Variants in NOS1 observed in about 807,000 individuals in gnomAD.
NOS1 encodes the protein nitric oxide synthase 1.
Under a neutral mutation model 164.5 loss-of-function variants are expected in NOS1, and 51 were observed. The ratio of observed to expected loss-of-function variants is 0.31; its 90% CI spans 0.25 to 0.39. The LOEUF (loss-of-function observed/expected upper bound fraction) is 0.39. Ranked by LOEUF, NOS1 falls within the 10% of genes least tolerant of loss-of-function variation. NOS1 has a pLI of 1.00. For missense variants in NOS1, 1,362 were observed against 1,885.6 expected, an observed-to-expected ratio of 0.72 and a Z score of 5.14; for synonymous variants, 719 against 745.8, an observed-to-expected ratio of 0.96 and a Z score of 0.59.
At chr12:117,328,001 G>T (rs958970972) in intron 2 of NOS1, among the ~76,000 whole-genome samples, 1 of 152,014 alleles carries the variant, frequency 6.6e-6, no homozygotes, top group African/African-American at 2.4e-5. Flanking sequence ...AGACTGAGGG[G>T]CCATCAAAGG....
chr12:117,296,628 C>T (rs898436580), intron 3 of NOS1, among the ~76,000 whole-genome samples: 6 of 138,148 alleles, frequency 4.3e-5, no homozygotes, highest in African/African-American at 1.4e-4. Context: ...ACCTTGTGTT[C>T]GTGTGAGTTA....
At chr12:117,248,674 TA>T (rs1870847905) in intron 17 of NOS1, among the ~76,000 whole-genome samples, 1 of 152,222 alleles carries the variant, frequency 6.6e-6, no homozygotes, top group East Asian at 1.9e-4. Context: ...CATATGTCTT[TA>T]AAGCAGCATG....
chr12:117,233,652 CA>C (rs1351661165), intron 21 of NOS1, among the ~76,000 whole-genome samples: 1 of 151,432 alleles, frequency 6.6e-6, no homozygotes, highest in African/African-American at 2.4e-5. Flanking sequence ...ACTAAAAATA[CA>C]AAAAATTAGC....
chr12:117,241,375 T>G (rs1019908939), intron 20 of NOS1, among the ~76,000 whole-genome samples: 3 of 150,840 alleles, frequency 2.0e-5, no homozygotes, highest in African/African-American at 7.3e-5. Flanking sequence ...ATATGCTTGG[T>G]TCACCGGGTT....
intron 17 of NOS1, among the ~76,000 whole-genome samples, chr12:117,248,659 G>A (rs1277012279): frequency 7.2e-5 from 11 of 152,070 alleles, no homozygotes; most frequent in Admixed American, 1.3e-4. Flanking sequence ...ATAAACATAC[G>A]TGTGCATATG....
At position 117,214,977 on chromosome 12, in the gene NOS1, C is replaced by A; in HGVS notation, c.*332G>T. 9.1e-7 allele frequency: 1 copy of A among 1,098,348 alleles called. No individual in the cohort carries two copies. Among genetic ancestry groups the A allele is most frequent in the Non-Finnish European group, 1.1e-6 (1 of 903,728 alleles). 68.0% of individuals were successfully genotyped at this position (1,098,348 alleles called of 1,614,324 possible). On this transcript the variant is annotated 3_prime_UTR_variant, in exon 29 of 29. Coordinates refer to ENST00000317775, the MANE Select transcript of NOS1 (RefSeq NM_000620.5). ...AGTTCCTGCAGCCTTTCCAGGGGAA[C>A]CCCAGAGAAAAAAACCCCCACAGCG...
chr12:117,216,581 C>T (rs1200461595), intron 28 of NOS1, among the ~76,000 whole-genome samples: 1 of 151,962 alleles, frequency 6.6e-6, no homozygotes, highest in Admixed American at 6.6e-5. Context: ...TGGGATCAGG[C>T]CATCCTCTTG....
rs367869227 is a variant in NOS1, at chr12:117,303,727, A to C, written c.852+7739T>G. Among the ~76,000 whole-genome samples the C allele has an allele frequency of 3.7e-4, 57 of 152,332 alleles. No individual in the cohort carries two copies. The East Asian group carries it at 4.6e-3, about 12-fold the overall frequency. ...CTTCTCTCTTAGGAAGGCAAACCAG[A>C]CAGGCAAGGGAAACGATGCTTAATA... On this transcript the variant is annotated intron_variant, in intron 3 of 28. Coordinates refer to ENST00000317775, the MANE Select transcript of NOS1 (RefSeq NM_000620.5).
chr12:117,275,661 T>C (rs1873123834), intron 9 of NOS1, among the ~76,000 whole-genome samples: 1 of 152,186 alleles, frequency 6.6e-6, no homozygotes, highest in Admixed American at 6.5e-5. Flanking sequence ...ATGTTTCCAA[T>C]ACAAAGGATA....
Position 117,243,085 on chromosome 12 carries a change from C to T in NOS1, c.2962+212G>A, listed in dbSNP as rs950034989. Among the ~76,000 whole-genome samples, 4 of 152,062 alleles carry T rather than the reference C, an allele frequency of 2.6e-5. No individual in the cohort carries two copies. The highest frequency in any genetic ancestry group is 9.7e-5 in the African/African-American group (4 of 41,400). On this transcript the variant is annotated intron_variant, in intron 19 of 28. Coordinates refer to ENST00000317775, the MANE Select transcript of NOS1 (RefSeq NM_000620.5). This position sits in a 1 kb window ranked among gnomAD's most constrained non-coding sequence, Gnocchi z 4.3. ...TTGAGAAGAGGATGGTTTGGAAGAA[C>T]ACAGTACATTACTAGAGAGAGAGAG...
chr12:117,217,561 C>T (rs1021752218), intron 28 of NOS1, among the ~76,000 whole-genome samples: 24 of 152,006 alleles, frequency 1.6e-4, no homozygotes, highest in Admixed American at 6.6e-5. Context: ...AAAACTTAGC[C>T]GGGTGTGGTG....
Position 117,234,632 on chromosome 12 carries a change from C to T in NOS1, c.3168G>A (p.Leu1056=). 1 of 1,614,148 alleles carries T rather than the reference C, an allele frequency of 6.2e-7. No individual in the cohort carries two copies. The highest frequency in any genetic ancestry group is 1.1e-5 in the South Asian group (1 of 91,070). The change falls in exon 21 of 29, where the codon CTG becomes CTA. Residue 1056 remains leucine (L), a synonymous_variant. Coordinates refer to ENST00000317775, the MANE Select transcript of NOS1 (RefSeq NM_000620.5). The surrounding 1 kb of genome is among the most constrained non-coding windows in gnomAD (Gnocchi z 4.3). ...TCTGGTTGACAGGCGGCGCGTCCTC[C>T]AGCCGCTCGATCAGGGCATTCACGA... is the stretch of plus-strand genomic sequence containing the variant. ...EDLVNALIER[L]EDAPPVNQMV...
At position 117,272,268 on chromosome 12, in the gene NOS1, T is replaced by G; in HGVS notation, c.1839+117A>C. 1 of 1,082,922 alleles carries G rather than the reference T, an allele frequency of 9.2e-7. No homozygotes were observed. The highest frequency in any genetic ancestry group is 2.0e-4 in the Middle Eastern group (1 of 4,924). 67.1% of individuals were successfully genotyped at this position (1,082,922 alleles called of 1,614,324 possible). ...CCAGGGGCTTCTCTGGGATTGCAAT[T>G]CTATTCTAACCCCTTCAAGTTTCCA... is the stretch of plus-strand genomic sequence containing the variant. On this transcript the variant is annotated intron_variant, in intron 10 of 28. Transcript: ENST00000317775. The surrounding 1 kb of genome is among the most constrained non-coding windows in gnomAD (Gnocchi z 4.3).
chr12:117,283,125 A>G (rs1429949750), intron 7 of NOS1, among the ~76,000 whole-genome samples: 1 of 148,126 alleles, frequency 6.8e-6, no homozygotes, highest in Non-Finnish European at 1.5e-5. Context: ...CAGTGGTGCA[A>G]CCTCGGCTCA....
intron 10 of NOS1, among the ~76,000 whole-genome samples, chr12:117,268,573 T>C (rs1159768006): frequency 2.1e-5 from 3 of 144,756 alleles, no homozygotes; most frequent in Non-Finnish European, 4.5e-5. Flanking sequence ...CACAGACTAA[T>C]GAACTCACTC....
intron 1 of NOS1, among the ~76,000 whole-genome samples, chr12:117,359,774 T>C (rs1434533391): frequency 1.3e-5 from 2 of 150,466 alleles, no homozygotes; most frequent in African/African-American, 4.9e-5. Context: ...CCGCAGCCTG[T>C]AGTACCCTGT....
chr12:117,235,568 A>C (rs757597400), intron 20 of NOS1, among the ~76,000 whole-genome samples: 4 of 152,176 alleles, frequency 2.6e-5, no homozygotes, highest in Non-Finnish European at 5.9e-5. Context: ...TCCTATGCAT[A>C]AATTCATCAA....
At chr12:117,216,473 C>A (rs1254053379) in intron 28 of NOS1, among the ~76,000 whole-genome samples, 1 of 151,846 alleles carries the variant, frequency 6.6e-6, no homozygotes, top group Admixed American at 6.6e-5. Flanking sequence ...TGAGCCATCG[C>A]GCCCGGCCTT....
At chr12:117,296,842 A>G (rs1873450315) in intron 3 of NOS1, among the ~76,000 whole-genome samples, 1 of 152,164 alleles carries the variant, frequency 6.6e-6, no homozygotes. Context: ...CCTTATATGA[A>G]AAGGAAGAGA....
Sources: gnomAD v4.1 joint callset for allele counts (sites outside exome capture counted in the v4.1 genomes callset) on GRCh38, gnomAD v4.1.1 for gene constraint, Gnocchi (gnomAD v3.1) non-coding constraint, MANE v1.5 for transcripts, NCBI Gene and HGNC (gene_info 2026-07-23, HGNC 2026-07-21) for gene names.